FGF14: variants seen among roughly 807,000 people sequenced by gnomAD.
The protein encoded by FGF14 is fibroblast growth factor 14.
A neutral mutation model predicts 25.5 loss-of-function variants in FGF14; 5 were observed. The observed-to-expected ratio is 0.20, with a 90% CI of 0.10 to 0.41. The LOEUF is 0.41. FGF14 is among the 10% of genes least tolerant of loss of function. The pLI, the probability that FGF14 is intolerant of heterozygous loss-of-function variation, is 1.00. For missense variants in FGF14, 222 were observed against 320.1 expected (o/e 0.69, Z 2.34); for synonymous variants, 138 against 118.3 (o/e 1.17, Z -1.08).
intron 1 of FGF14, among the ~76,000 whole-genome samples, chr13:102,396,798 A>G (rs2058595905): frequency 6.6e-6 from 1 of 152,234 alleles, no homozygotes; most frequent in African/African-American, 2.4e-5. Flanking sequence ...TTCAAAAAAG[A>G]AAAATCTACT....
chr13:102,366,860 T>C (rs2057729859), intron 1 of FGF14, among the ~76,000 whole-genome samples: 2 of 152,144 alleles, frequency 1.3e-5, no homozygotes, highest in Non-Finnish European at 2.9e-5. Context: ...AGTATAGACC[T>C]TCATACAGAG....
chr13:101,876,226 T>C (rs894975008), intron 1 of FGF14, among the ~76,000 whole-genome samples: 8 of 152,146 alleles, frequency 5.3e-5, no homozygotes, highest in African/African-American at 1.9e-4. Context: ...AAAACAAATA[T>C]TTGCATGTGG....
chr13:102,182,277 G>A (rs1224511009), intron 1 of FGF14, among the ~76,000 whole-genome samples: 4 of 152,114 alleles, frequency 2.6e-5, no homozygotes, highest in African/African-American at 9.7e-5. Context: ...ATATGCCAAA[G>A]AATGCAGGTA....
At chr13:101,782,318 A>G (rs549558740) in intron 3 of FGF14, among the ~76,000 whole-genome samples, 1 of 152,352 alleles carries the variant, frequency 6.6e-6, no homozygotes, top group East Asian at 1.9e-4. Flanking sequence ...CACTGCCAAT[A>G]TCATATTTCA....
chr13:102,221,380 C>T (rs750054376), intron 1 of FGF14, among the ~76,000 whole-genome samples: 80 of 152,056 alleles, frequency 5.3e-4, no homozygotes, highest in Non-Finnish European at 9.4e-4. Context: ...TTTAAGAAAA[C>T]TGAGTGAAAG....
At chr13:102,055,076 C>A (rs2042372158) in intron 1 of FGF14, among the ~76,000 whole-genome samples, 1 of 152,180 alleles carries the variant, frequency 6.6e-6, no homozygotes, top group Non-Finnish European at 1.5e-5. Context: ...CTCACCATAC[C>A]CACTTAAAGA....
intron 1 of FGF14, among the ~76,000 whole-genome samples, chr13:102,353,269 C>G (rs1172938846): frequency 6.6e-6 from 1 of 152,154 alleles, no homozygotes; most frequent in East Asian, 1.9e-4. Flanking sequence ...ATCTCTTTGC[C>G]ATCTCCCCTT....
chr13:101,823,277 T>G (rs1292214761), intron 3 of FGF14, among the ~76,000 whole-genome samples: 1 of 140,582 alleles, frequency 7.1e-6, no homozygotes, highest in Admixed American at 7.3e-5. Flanking sequence ...GGAATTGACA[T>G]TGTTTTCAAA....
chr13:102,104,672 G>A (rs1411149693), intron 1 of FGF14, among the ~76,000 whole-genome samples: 2 of 152,138 alleles, frequency 1.3e-5, no homozygotes, highest in East Asian at 3.9e-4. Context: ...TGTAGTCCCA[G>A]CTACTCTGGA....
At chr13:102,165,296 C>A (rs989579597) in intron 1 of FGF14, among the ~76,000 whole-genome samples, 8 of 151,846 alleles carry the variant, frequency 5.3e-5, no homozygotes, top group Admixed American at 5.3e-4. Flanking sequence ...ACCATTTGAC[C>A]CAGCCATCCC....
intron 1 of FGF14, among the ~76,000 whole-genome samples, chr13:102,174,958 C>T (rs609172): frequency 0.18 from 27,944 of 151,628 alleles, 4,525 homozygotes; most frequent in East Asian, 0.7. Context: ...GTAACTGGCA[C>T]GAATAAGTGG....
At chr13:102,271,937 C>T (rs1428282240) in intron 1 of FGF14, among the ~76,000 whole-genome samples, 1 of 152,122 alleles carries the variant, frequency 6.6e-6, no homozygotes, top group East Asian at 1.9e-4. Flanking sequence ...ACCCAATAGT[C>T]TATTCTCTAG....
At chr13:102,153,079 C>CT (rs2047159549) in intron 1 of FGF14, among the ~76,000 whole-genome samples, 2 of 152,122 alleles carry the variant, frequency 1.3e-5, no homozygotes, top group South Asian at 4.1e-4. Flanking sequence ...CTGAATTCGC[C>CT]TATAGAGTGA....
chr13:102,240,088 T>C (rs1407454923), intron 1 of FGF14, among the ~76,000 whole-genome samples: 2 of 152,202 alleles, frequency 1.3e-5, no homozygotes, highest in African/African-American at 4.8e-5. Flanking sequence ...GCATAGTCTA[T>C]CTCAAGAATA....
intron 1 of FGF14, among the ~76,000 whole-genome samples, chr13:101,989,522 A>G (rs2038782196): frequency 6.6e-6 from 1 of 152,076 alleles, no homozygotes; most frequent in African/African-American, 2.4e-5. Context: ...TAAATCCCTT[A>G]GACAGGGATT....
At chr13:102,214,630 G>A (rs1352281162) in intron 1 of FGF14, among the ~76,000 whole-genome samples, 1 of 152,136 alleles carries the variant, frequency 6.6e-6, no homozygotes, top group Non-Finnish European at 1.5e-5. Context: ...CAACCATCTG[G>A]AATGATCTCC....
chr13:101,933,842 A>T (rs1292997224), intron 1 of FGF14, among the ~76,000 whole-genome samples: 1 of 142,880 alleles, frequency 7.0e-6, no homozygotes, highest in African/African-American at 2.4e-5. Context: ...ATTACTCTAA[A>T]TATTATTGCT....
chr13:102,175,694 T>C (rs1222291174), intron 1 of FGF14, among the ~76,000 whole-genome samples: 1 of 151,880 alleles, frequency 6.6e-6, no homozygotes, highest in Non-Finnish European at 1.5e-5. Flanking sequence ...ATCTATAATA[T>C]GTAAGGAACT....
intron 3 of FGF14, among the ~76,000 whole-genome samples, chr13:101,824,019 T>A (rs1376950043): frequency 6.6e-6 from 1 of 152,058 alleles, no homozygotes; most frequent in African/African-American, 2.4e-5. Flanking sequence ...TTATTTTATT[T>A]TGAACAATTT....
Sources: gnomAD v4.1 joint callset for allele counts (sites outside exome capture counted in the v4.1 genomes callset) on GRCh38, gnomAD v4.1.1 for gene constraint, MANE v1.5 for transcripts, NCBI Gene and HGNC (gene_info 2026-07-23, HGNC 2026-07-21) for gene names.